Variants in CABP7 observed in about 807,000 individuals in gnomAD.
CABP7 encodes the protein calcium-binding protein 7.
A neutral mutation model predicts 23.1 loss-of-function variants in CABP7; 13 were observed. The ratio of observed to expected loss-of-function variants is 0.56; its 90% CI spans 0.37 to 0.90. The LOEUF is 0.90. CABP7 is among the 40% of genes least tolerant of loss of function. CABP7 has a pLI of 0.01. For missense variants in CABP7, 248 were observed against 295.6 expected (o/e 0.84, Z 1.18); for synonymous variants, 123 against 115.3 (o/e 1.07, Z -0.43).
intron 2 of CABP7, among the ~76,000 whole-genome samples, chr22:29,728,041 C>T (rs1415373858): frequency 7.2e-5 from 11 of 152,212 alleles, no homozygotes; most frequent in Admixed American, 7.2e-4. Flanking sequence ...GAGATGGCTC[C>T]TTTCACTCTG....
chr22:29,728,636 G>A lies in CABP7; in HGVS notation c.260G>A (p.Gly87Asp), dbSNP rs1181870744. 1 of 1,609,178 alleles carries A rather than the reference G, an allele frequency of 6.2e-7. No individual in the cohort carries two copies. Among genetic ancestry groups the A allele is most frequent in the Non-Finnish European group, 8.5e-7 (1 of 1,175,924 alleles). The change falls in exon 3 of 5, where the codon GGT becomes GAT. Residue 87 changes from glycine to aspartate, a missense_variant. Transcript: ENST00000216144. ...GGACCTGTGCCTCCACCAGGTGATG[G>A]TCAAGTGGACTTTGAGGAGTTTGTG... ...IIQRLDMDGD[G>D]QVDFEEFVTL...
intron 1 of CABP7, among the ~76,000 whole-genome samples, chr22:29,723,299 G>T (rs917942174): frequency 6.6e-6 from 1 of 152,128 alleles, no homozygotes; most frequent in Admixed American, 6.6e-5. Context: ...AGGGCAGTTG[G>T]CAGGGTAGGA....
rs918728455 is a variant in CABP7, at chr22:29,720,284, G to C, written c.-141G>C. 1 of 178,388 alleles carries C rather than the reference G, an allele frequency of 5.6e-6. No homozygotes were observed. Among genetic ancestry groups the C allele is most frequent in the African/African-American group, 2.4e-5 (1 of 41,134 alleles). The allele number at this position is 178,388 out of a possible 1,614,324, so 11.1% of individuals were successfully genotyped here. ...CGCGGGGGCGCTAGGCCCCCGGAGG[G>C]GCGTCCCCAGCCTCGCCGCTGCCGC... On this transcript the variant is annotated 5_prime_UTR_variant, in exon 1 of 5. Transcript: ENST00000216144. The surrounding 1 kb of genome is among the most constrained non-coding windows in gnomAD (Gnocchi z 5.2).
rs961082532 is a variant in CABP7, at chr22:29,727,323, G to A, written c.110-339G>A. On this transcript the variant is annotated intron_variant, in intron 1 of 4. Transcript: ENST00000216144. This position sits in a 1 kb window ranked among gnomAD's most constrained non-coding sequence, Gnocchi z 4.2. ...GGGGAAGCCGTCAGCAGCCGCGGGGGCCGGGGAGATCCAGCATCCTCCCCT... is the reference window on the plus strand; with the variant it reads ...GGGGAAGCCGTCAGCAGCCGCGGGGACCGGGGAGATCCAGCATCCTCCCCT... 1.3e-5 allele frequency among the ~76,000 whole-genome samples: 2 copies of A among 151,698 alleles called. No homozygotes were observed. The highest frequency in any genetic ancestry group is 2.4e-5 in the African/African-American group (1 of 41,288).
Position 29,731,090 on chromosome 22 carries a change from G to T in CABP7, c.*1521G>T. On this transcript the variant is annotated 3_prime_UTR_variant, in exon 5 of 5. Transcript: ENST00000216144. Reference sequence around the variant, plus strand: ...CAGGACGAGGGCTGCACTTGGTGTGGCCGTGTCCTGAGCCTCAGTGAGGCT... The same window carrying T: ...CAGGACGAGGGCTGCACTTGGTGTGTCCGTGTCCTGAGCCTCAGTGAGGCT... 2 of 975,850 alleles carry T rather than the reference G, an allele frequency of 2.0e-6. No homozygotes were observed. Among genetic ancestry groups the T allele is most frequent in the Non-Finnish European group, 2.9e-6 (2 of 701,750 alleles). The allele number at this position is 975,850 out of a possible 1,614,324, so 60.4% of individuals were successfully genotyped here.
At chr22:29,723,474 C>T (rs969638127) in intron 1 of CABP7, among the ~76,000 whole-genome samples, 1 of 152,214 alleles carries the variant, frequency 6.6e-6, no homozygotes, top group Non-Finnish European at 1.5e-5. Flanking sequence ...GTCCCAGCAC[C>T]ATCAGCTGAC....
At chr22:29,725,667 A>G (rs2067790587) in intron 1 of CABP7, among the ~76,000 whole-genome samples, 1 of 152,148 alleles carries the variant, frequency 6.6e-6, no homozygotes, top group African/African-American at 2.4e-5. Context: ...GTGCCGTTCA[A>G]GCTGAGAGCT....
At chr22:29,728,573 C>T in intron 2 of CABP7, 57 bp from the exon 3 acceptor site, 1 of 1,150,364 alleles carries the variant, frequency 8.7e-7, no homozygotes, top group South Asian at 1.2e-5. Flanking sequence ...ACCTCTGGGC[C>T]CTGGGCTGCA....
chr22:29,723,800 T>C (rs2067777997), intron 1 of CABP7, among the ~76,000 whole-genome samples: 1 of 152,212 alleles, frequency 6.6e-6, no homozygotes, highest in Non-Finnish European at 1.5e-5. Context: ...TAGCAGCCAC[T>C]GCGGAGGATG....
Position 29,727,815 on chromosome 22 carries a change from C to A in CABP7, c.253+10C>A. On this transcript the variant is annotated intron_variant, in intron 2 of 4. Coordinates refer to ENST00000216144, the MANE Select transcript of CABP7 (RefSeq NM_182527.3). The surrounding 1 kb of genome is among the most constrained non-coding windows in gnomAD (Gnocchi z 4.2). ...CGGCTGGACATGGATGGTGAGCACC[C>A]CCCCGCCTCGGTTTCCCCACCTGGC... 1 of 1,601,654 alleles carries A rather than the reference C, an allele frequency of 6.2e-7. No homozygotes were observed. The highest frequency in any genetic ancestry group is 1.9e-4 in the Middle Eastern group (1 of 5,308).
chr22:29,729,654 G>T lies in CABP7; in HGVS notation c.*85G>T. The T allele has an allele frequency of 2.6e-6, 4 of 1,535,666 alleles. No homozygotes were observed. The highest frequency in any genetic ancestry group is 3.5e-6 in the Non-Finnish European group (4 of 1,136,386). ...CCGCCTGCAGACCTCTCCCTTGGCC[G>T]GCTCCCTGGGCCGCCATCTGCGTGT... is the stretch of plus-strand genomic sequence containing the variant. On this transcript the variant is annotated 3_prime_UTR_variant, in exon 5 of 5. Coordinates refer to ENST00000216144, the MANE Select transcript of CABP7 (RefSeq NM_182527.3).
chr22:29,731,450 G>T lies in CABP7; in HGVS notation c.*1881G>T, dbSNP rs886854240. 5.2e-5 allele frequency: 77 copies of T among 1,468,670 alleles called. No homozygotes were observed. In the Admixed American group the frequency reaches 9.1e-4, roughly 17 times the overall value. 91.0% of individuals were successfully genotyped at this position (1,468,670 alleles called of 1,614,324 possible). A position where few individuals can be genotyped will look rare whatever the true frequency, so the allele number is the denominator to read the frequency against. Reference sequence around the variant, plus strand: ...CCTGCCTCACCACCCTGGCTGTGGGGAGGGTCAGCTGCCTGCATGACTTTT... The same window carrying T: ...CCTGCCTCACCACCCTGGCTGTGGGTAGGGTCAGCTGCCTGCATGACTTTT... On this transcript the variant is annotated 3_prime_UTR_variant, in exon 5 of 5. Transcript: ENST00000216144.
chr22:29,722,048 A>AT, intron 1 of CABP7, among the ~76,000 whole-genome samples: 1 of 151,822 alleles, frequency 6.6e-6, no homozygotes, highest in East Asian at 1.9e-4. Flanking sequence ...CCTCCTGCAG[A>AT]TTTTTCCCTC....
At chr22:29,728,776 C>A in intron 3 of CABP7, 34 bp downstream of exon 3, 2 of 1,459,340 alleles carry the variant, frequency 1.4e-6, no homozygotes, top group Non-Finnish European at 1.9e-6. Context: ...CAGGGCTGTG[C>A]ACACTGTGGA....
chr22:29,720,483 AC>A lies in CABP7; in HGVS notation c.61del (p.Leu21CysfsTer75). The A allele has an allele frequency of 6.4e-7, 1 of 1,562,338 alleles. No homozygotes were observed. Among genetic ancestry groups the A allele is most frequent in the Non-Finnish European group, 8.7e-7 (1 of 1,155,600 alleles). ...LMYRGIYTVP[N>X]LLSEQRPVDI... ...TACCGGGGCATCTACACCGTGCCCAACCTGCTGTCGGAGCAGCGCCCGGTGG... is the reference window on the plus strand; with the variant it reads ...TACCGGGGCATCTACACCGTGCCCAACTGCTGTCGGAGCAGCGCCCGGTGG... On this transcript the variant is annotated frameshift_variant, in exon 1 of 5. Transcript: ENST00000216144. LOFTEE classifies it high-confidence loss of function. The surrounding 1 kb of genome is among the most constrained non-coding windows in gnomAD (Gnocchi z 5.2).
intron 1 of CABP7, among the ~76,000 whole-genome samples, chr22:29,725,656 GGTGCC>G (rs2067790454): frequency 1.3e-5 from 2 of 152,160 alleles, no homozygotes; most frequent in African/African-American, 4.8e-5. Flanking sequence ...CCAGGGAGAT[GGTGCC>G]GTTCAAGCTG....
At position 29,727,801 on chromosome 22, in the gene CABP7, G is replaced by A; in HGVS notation, c.249G>A (p.Met83Ile). Residue 83 changes from methionine (M) to isoleucine (I), a missense_variant, in exon 2 of 5, where the codon ATG becomes ATA. Met to Ile is a conservative substitution (Grantham distance 10, BLOSUM62 1). Transcript: ENST00000216144. The surrounding 1 kb of genome is among the most constrained non-coding windows in gnomAD (Gnocchi z 4.2). ...ELEVIIQRLDMDGDGQVDFEE... is the reference protein window; with the variant it reads ...ELEVIIQRLDIDGDGQVDFEE... ...AGGTCATCATCCAGCGGCTGGACAT[G>A]GATGGTGAGCACCCCCCCGCCTCGG... 4 of 1,607,656 alleles carry A rather than the reference G, an allele frequency of 2.5e-6. No individual in the cohort carries two copies. The highest frequency in any genetic ancestry group is 2.6e-6 in the Non-Finnish European group (3 of 1,176,460).
intron 3 of CABP7, 40 bp from the exon 4 acceptor site, chr22:29,729,015 G>A (rs2147209071): frequency 6.3e-7 from 1 of 1,597,508 alleles, no homozygotes; most frequent in Middle Eastern, 2.3e-4. Context: ...GGTGGGGGCT[G>A]CGGTGGCTCT....
chr22:29,721,949 G>A (rs1051835684), intron 1 of CABP7, among the ~76,000 whole-genome samples: 2 of 151,906 alleles, frequency 1.3e-5, no homozygotes, highest in African/African-American at 4.9e-5. Flanking sequence ...GAAAGGAGGG[G>A]TACGATGGTG....
Sources: gnomAD v4.1 joint callset for allele counts (sites outside exome capture counted in the v4.1 genomes callset) on GRCh38, gnomAD v4.1.1 for gene constraint, Gnocchi (gnomAD v3.1) non-coding constraint, MANE v1.5 for transcripts, NCBI Gene and HGNC (gene_info 2026-07-23, HGNC 2026-07-21) for gene names.